Variants in PCDHGB5 observed in about 807,000 individuals in gnomAD.
PCDHGB5 encodes protocadherin gamma subfamily B, 5, also known as protocadherin gamma-B5.
Under a neutral mutation model 62.9 loss-of-function variants are expected in PCDHGB5, and 48 were observed. The observed-to-expected ratio is 0.76, with a 90% CI of 0.61 to 0.97. The LOEUF (loss-of-function observed/expected upper bound fraction) is 0.97, where lower values mean the gene tolerates loss of function less well. Among genes scored for constraint, PCDHGB5 ranks in the 50% least tolerant of loss-of-function variants. The pLI is 0.00. For missense variants in PCDHGB5, 1,118 were observed against 1,198.6 expected, an observed-to-expected ratio of 0.93 and a Z score of 0.99; for synonymous variants, 474 against 511.2, an observed-to-expected ratio of 0.93 and a Z score of 0.98.
intron 1 of PCDHGB5, chr5:141,433,087 A>G (rs769187557): frequency 6.2e-7 from 1 of 1,614,206 alleles, no homozygotes. Context: ...CCAACTATGC[A>G]GACATGCTCG....
chr5:141,495,918 T>C (rs2099764622), intron 2 of PCDHGB5, among the ~76,000 whole-genome samples: 1 of 152,184 alleles, frequency 6.6e-6, no homozygotes, highest in African/African-American at 2.4e-5. Flanking sequence ...ATATCTTTCT[T>C]TGTCTCTGTC....
In PCDHGB5 at chr5:141,476,584, C is replaced by G. The variant is rs140544807; in HGVS notation, c.2398-18223C>G. ...TGGCTCCGGGGACGCGCTTTCCGCTCGAGAGCGCGCACGATCCCGATGTGG... is the reference window on the plus strand; with the variant it reads ...TGGCTCCGGGGACGCGCTTTCCGCTGGAGAGCGCGCACGATCCCGATGTGG... On this transcript the variant is annotated intron_variant, in intron 1 of 3. Coordinates refer to ENST00000617380, the MANE Select transcript of PCDHGB5 (RefSeq NM_018925.3). This position sits in a 1 kb window ranked among gnomAD's most constrained non-coding sequence, Gnocchi z 7.6. 1.2e-5 allele frequency: 19 copies of G among 1,614,100 alleles called. No homozygotes were observed. The African/African-American group carries it at 2.3e-4, about 19-fold the overall frequency.
chr5:141,407,807 T>G (rs916388568), intron 1 of PCDHGB5, among the ~76,000 whole-genome samples: 1 of 152,202 alleles, frequency 6.6e-6, no homozygotes, highest in African/African-American at 2.4e-5. Context: ...CATAGAAATA[T>G]CTACTATAAT....
intron 1 of PCDHGB5, among the ~76,000 whole-genome samples, chr5:141,460,737 G>GTA (rs1393989215): frequency 2.0e-5 from 3 of 150,700 alleles, no homozygotes; most frequent in East Asian, 1.9e-4. Context: ...TATACACATT[G>GTA]TATATATATG....
rs2099410057 is a variant in PCDHGB5, at chr5:141,477,370, G to C, written c.2398-17437G>C. The C allele has an allele frequency of 6.2e-7, 1 of 1,614,054 alleles. No homozygotes were observed. On this transcript the variant is annotated intron_variant, in intron 1 of 3. Coordinates refer to ENST00000617380, the MANE Select transcript of PCDHGB5 (RefSeq NM_018925.3). This position sits in a 1 kb window ranked among gnomAD's most constrained non-coding sequence, Gnocchi z 4.9. The stretch of plus-strand genomic sequence containing the variant: ...AAACCAGTGCAGACCTGGATCGGGA[G>C]ACTGTGCCAGAATACAACCTCAGCA...
At position 141,486,001 on chromosome 5, in the gene PCDHGB5, C is replaced by G. The variant is rs771993915; in HGVS notation, c.2398-8806C>G. 6.2e-7 allele frequency: 1 copy of G among 1,614,194 alleles called. No homozygotes were observed. Among genetic ancestry groups the G allele is most frequent in the Non-Finnish European group, 8.5e-7 (1 of 1,180,024 alleles). On this transcript the variant is annotated intron_variant, in intron 1 of 3. Transcript: ENST00000617380. The surrounding 1 kb of genome is among the most constrained non-coding windows in gnomAD (Gnocchi z 5.0). ...ACCCGGACCTGGGTCCCAGTGGTAACGTCACCTTTTATTTCAGTGGTCATA... is the reference window on the plus strand; with the variant it reads ...ACCCGGACCTGGGTCCCAGTGGTAAGGTCACCTTTTATTTCAGTGGTCATA...
chr5:141,476,264 G>T lies in PCDHGB5; in HGVS notation c.2398-18543G>T, dbSNP rs753184649. On this transcript the variant is annotated intron_variant, in intron 1 of 3. Coordinates refer to ENST00000617380, the MANE Select transcript of PCDHGB5 (RefSeq NM_018925.3). This position sits in a 1 kb window ranked among gnomAD's most constrained non-coding sequence, Gnocchi z 7.6. ...AGAGAAGGGTTTCGCTGTGGGCAAC[G>T]TGGTCGCGAACCTTGGTTTGGATCT... The T allele has an allele frequency of 5.0e-6, 8 of 1,613,964 alleles. No individual in the cohort carries two copies. In the African/African-American group the frequency reaches 8.0e-5, roughly 16 times the overall value.
At chr5:141,419,182 C>T in intron 1 of PCDHGB5, 2 of 1,613,986 alleles carry the variant, frequency 1.2e-6, no homozygotes, top group Non-Finnish European at 1.7e-6. Context: ...TAACCCTGCA[C>T]ATTACTGACG....
chr5:141,506,415 C>T lies in PCDHGB5; in HGVS notation c.2545+934C>T, dbSNP rs2099853185. 2.0e-5 allele frequency among the ~76,000 whole-genome samples: 3 copies of T among 148,290 alleles called. No homozygotes were observed. The South Asian group carries it at 6.4e-4, about 32-fold the overall frequency. On this transcript the variant is annotated intron_variant, in intron 3 of 3. Coordinates refer to ENST00000617380, the MANE Select transcript of PCDHGB5 (RefSeq NM_018925.3). ...GAGCAGAAAATCGCACCACTGCACT[C>T]CAGCCTGGGCAACAGTCTCGCTCTG...
chr5:141,415,935 C>A, intron 1 of PCDHGB5: 1 of 601,886 alleles, frequency 1.7e-6, no homozygotes, highest in Non-Finnish European at 2.4e-6. Context: ...TTTATATTTC[C>A]TCCTGGGTGG....
At chr5:141,424,540 T>G (rs944656560) in intron 1 of PCDHGB5, 1 of 152,244 alleles carries the variant, frequency 6.6e-6, no homozygotes, top group Admixed American at 6.5e-5. Flanking sequence ...TAGAAATAAC[T>G]TGATTTTGAT....
intron 1 of PCDHGB5, chr5:141,423,330 C>G (rs932335651): frequency 9.9e-6 from 16 of 1,614,056 alleles, no homozygotes; most frequent in Middle Eastern, 1.6e-4. Flanking sequence ...TGGCCGCAGT[C>G]TCCTGCATCT....
chr5:141,408,202 G>A (rs778320550), intron 1 of PCDHGB5: 6 of 1,549,832 alleles, frequency 3.9e-6, no homozygotes, highest in African/African-American at 1.4e-5. Flanking sequence ...CCGAGCGAAC[G>A]ATGGGAGGGA....
At chr5:141,433,869 T>C (rs1293077938) in intron 1 of PCDHGB5, among the ~76,000 whole-genome samples, 8 of 151,960 alleles carry the variant, frequency 5.3e-5, no homozygotes, top group Non-Finnish European at 7.4e-5. Flanking sequence ...TATCCTCTAG[T>C]TTCATCCATT....
intron 1 of PCDHGB5, among the ~76,000 whole-genome samples, chr5:141,453,047 G>A (rs930795400): frequency 1.3e-5 from 2 of 152,172 alleles, no homozygotes; most frequent in African/African-American, 4.8e-5. Context: ...TTTCTATTAT[G>A]TGCAGTTTTA....
chr5:141,464,970 G>A (rs550643230), intron 1 of PCDHGB5, among the ~76,000 whole-genome samples: 1 of 152,028 alleles, frequency 6.6e-6, no homozygotes, highest in East Asian at 1.9e-4. Flanking sequence ...TTGAACTACT[G>A]GCTTCAAGTG....
chr5:141,419,945 T>C (rs2096451536), intron 1 of PCDHGB5: 4 of 1,614,088 alleles, frequency 2.5e-6, no homozygotes, highest in Middle Eastern at 1.6e-4. Context: ...GGTGGTGGCC[T>C]TGGCCTTGAT....
chr5:141,430,048 A>G (rs2097258677), intron 1 of PCDHGB5, among the ~76,000 whole-genome samples: 1 of 152,222 alleles, frequency 6.6e-6, no homozygotes, highest in African/African-American at 2.4e-5. Flanking sequence ...AATGTATACA[A>G]TCACATATCA....
At chr5:141,478,050 C>G (rs2099429383) in intron 1 of PCDHGB5, 2 of 1,614,184 alleles carry the variant, frequency 1.2e-6, no homozygotes, top group South Asian at 2.2e-5. Context: ...CAGACTCTCA[C>G]GGTCTTGATC....
Sources: allele counts gnomAD v4.1 joint callset (sites outside exome capture counted in the v4.1 genomes callset), GRCh38; gene constraint gnomAD v4.1.1; non-coding constraint Gnocchi (gnomAD v3.1); transcripts MANE v1.5; gene names NCBI Gene and HGNC (gene_info 2026-07-23, HGNC 2026-07-21).